The following ANTXRL variants were observed in gnomAD, a reference collection of about 807,000 sequenced individuals.
The protein encoded by ANTXRL is ANTXR like.
ANTXRL carries 63 observed loss-of-function variants against 75.4 expected under a neutral mutation model. That is an observed-to-expected ratio of 0.84 (90% CI 0.68 to 1.03). The LOEUF is 1.03. ANTXRL is among the 50% of genes least tolerant of loss of function. The pLI, the probability that ANTXRL is intolerant of heterozygous loss-of-function variation, is 0.00. For synonymous variants in ANTXRL, 335 were observed against 291.3 expected (o/e 1.15, Z -1.53); for missense variants, 797 against 789.4 (o/e 1.01, Z -0.12).
Position 46,306,876 on chromosome 10 carries a change from A to AG in ANTXRL, c.965+5dup. The AG allele has an allele frequency of 6.5e-7, 1 of 1,527,408 alleles. No homozygotes were observed. The highest frequency in any genetic ancestry group is 1.7e-4 in the Middle Eastern group (1 of 5,954). 94.6% of individuals were successfully genotyped at this position (1,527,408 alleles called of 1,614,324 possible). The stretch of plus-strand genomic sequence containing the variant: ...CAAAACTAGAAAAACCTGGAGAGTA[A>AG]GTGCCCCTGGCAGGAGGCTAGAGGG... On this transcript the variant is annotated splice_donor_region_variant and intron_variant, in intron 11 of 16. Coordinates refer to ENST00000620264, the MANE Select transcript of ANTXRL (RefSeq NM_001278688.3).
At chr10:46,293,279 AGAGT>A (rs1295880225) in intron 2 of ANTXRL, among the ~76,000 whole-genome samples, 5 of 30,152 alleles carry the variant, frequency 1.7e-4, no homozygotes, top group African/African-American at 2.6e-4. Context: ...TGCGTGTGTG[AGAGT>A]GTGTGCGTGT....
At chr10:46,307,238 C>G (rs1383610783) in intron 11 of ANTXRL, among the ~76,000 whole-genome samples, 164 bp from the exon 12 acceptor site, 2 of 152,082 alleles carry the variant, frequency 1.3e-5, no homozygotes, top group Non-Finnish European at 2.9e-5. Context: ...GGCATGAGAC[C>G]CCATGCAGGG....
rs185764450 is a variant in ANTXRL at position 46,296,233 on chromosome 10, C to G, written c.489C>G (p.Ile163Met). 1.1e-5 allele frequency: 17 copies of G among 1,535,688 alleles called. 1 individual carries two copies. The Admixed American group carries it at 2.7e-4, about 25-fold the overall frequency. Residue 163 changes from isoleucine to methionine, a missense_variant, in exon 5 of 17, where the codon ATC (isoleucine) becomes ATG (methionine). Transcript: ENST00000620264. Reference sequence around the variant, plus strand: ...TTTTCTTGCAGGCAATTCAACAGATCGAAAGTTTCAACTCCGGAAGTAAGC... The same window carrying G: ...TTTTCTTGCAGGCAATTCAACAGATGGAAAGTTTCAACTCCGGAAGTAAGC... ...QAGFRKAIQQ[I>M]ESFNSGNKVP...
At chr10:46,301,079 A>G (rs1435008081) in intron 9 of ANTXRL, among the ~76,000 whole-genome samples, 1 of 151,936 alleles carries the variant, frequency 6.6e-6, no homozygotes, top group Admixed American at 6.6e-5. Flanking sequence ...GTAATTTGCA[A>G]TTATCCTGTC....
chr10:46,303,406 A>G (rs1376872602), intron 10 of ANTXRL, among the ~76,000 whole-genome samples: 1 of 152,176 alleles, frequency 6.6e-6, no homozygotes, highest in Non-Finnish European at 1.5e-5. Flanking sequence ...CTGGCTATGT[A>G]TCCTTTAACT....
chr10:46,288,826 C>T (rs1388545190), intron 1 of ANTXRL, among the ~76,000 whole-genome samples: 1 of 152,116 alleles, frequency 6.6e-6, no homozygotes, highest in Non-Finnish European at 1.5e-5. Flanking sequence ...CCCAGACAGA[C>T]TGGATGAGGG....
At position 46,307,473 on chromosome 10, in the gene ANTXRL, C is replaced by T. The variant is rs144531779; in HGVS notation, c.1037C>T (p.Thr346Ile). The stretch of plus-strand genomic sequence containing the variant: ...AAGAGCAATGTCAGCATCACCAGCA[C>T]CACATGTGTGAGTACCAGCATGGGG... ...FFKSNVSITS[T>I]TCGIFRNWLY... Residue 346 changes from threonine (T) to isoleucine (I), a missense_variant, in exon 12 of 17, where the codon ACC (threonine) becomes ATC (isoleucine). Thr to Ile is a moderately conservative substitution (Grantham distance 89). This residue lies in a region of ANTXRL where 479 missense variants were observed against 422.0 expected (regional missense o/e 1.14). Transcript: ENST00000620264. The T allele has an allele frequency of 4.7e-5, 72 of 1,536,118 alleles. No homozygotes were observed. The East Asian group carries it at 8.6e-4, about 18-fold the overall frequency.
chr10:46,316,655 C>G (rs1838741493), intron 16 of ANTXRL, among the ~76,000 whole-genome samples: 1 of 152,130 alleles, frequency 6.6e-6, no homozygotes, highest in Admixed American at 6.6e-5. Context: ...CACCCCATGT[C>G]CTGCTGTCAG....
At chr10:46,301,569 A>G (rs1229959911) in intron 9 of ANTXRL, among the ~76,000 whole-genome samples, 2 of 152,200 alleles carry the variant, frequency 1.3e-5, no homozygotes, top group Non-Finnish European at 2.9e-5. Flanking sequence ...TCTGAGGAGC[A>G]TGGTTCCCTA....
intron 16 of ANTXRL, among the ~76,000 whole-genome samples, chr10:46,317,117 A>G (rs1554964843): frequency 2.6e-5 from 4 of 152,224 alleles, no homozygotes; most frequent in Admixed American, 6.5e-5. Context: ...AAAGGTGTGT[A>G]TAGCTCACAT....
In ANTXRL at chr10:46,298,123, T is replaced by A. The variant is rs1837499177; in HGVS notation, c.796+61T>A. 5 of 1,161,136 alleles carry A rather than the reference T, an allele frequency of 4.3e-6. No homozygotes were observed. The Admixed American group carries it at 8.5e-5, about 20-fold the overall frequency. The allele number at this position is 1,161,136 out of a possible 1,614,324, so 71.9% of individuals were successfully genotyped here. A position where few individuals can be genotyped will look rare whatever the true frequency, so the allele number is the denominator to read the frequency against. On this transcript the variant is annotated intron_variant, in intron 9 of 16. Coordinates refer to ENST00000620264, the MANE Select transcript of ANTXRL (RefSeq NM_001278688.3). The stretch of plus-strand genomic sequence containing the variant: ...TGGTGTGCATGAGTGCATGCGTGTA[T>A]GGAGTGTGTGCATTTGTTTGGTATG...
intron 13 of ANTXRL, 90 bp downstream of exon 13, chr10:46,309,292 G>T: frequency 6.6e-7 from 1 of 1,523,708 alleles, no homozygotes; most frequent in Admixed American, 2.0e-5. Flanking sequence ...CCGTGATCCC[G>T]CCTGTGGGAA....
intron 2 of ANTXRL, 83 bp from the exon 3 acceptor site, chr10:46,293,746 G>A (rs533882200): frequency 8.8e-7 from 1 of 1,141,510 alleles, no homozygotes; most frequent in South Asian, 1.4e-5. Context: ...AAGAGTTGGG[G>A]TGGGAGGTGG....
chr10:46,328,369 G>A lies in ANTXRL; in HGVS notation c.1411-1230G>A, dbSNP rs187991676. 4.5e-4 allele frequency among the ~76,000 whole-genome samples: 68 copies of A among 152,270 alleles called. No homozygotes were observed. In the East Asian group the frequency reaches 0.011, roughly 24 times the overall value. On this transcript the variant is annotated intron_variant, in intron 16 of 16. Coordinates refer to ENST00000620264, the MANE Select transcript of ANTXRL (RefSeq NM_001278688.3). Reference sequence around the variant, plus strand: ...TAAGCCCCAAGAGAACAGCCTTGGGGAAACCTAACAATTCTCCTTGAAAAG... The same window carrying A: ...TAAGCCCCAAGAGAACAGCCTTGGGAAAACCTAACAATTCTCCTTGAAAAG...
chr10:46,293,320 CTGTGTGTGAG>C (rs1468339902), intron 2 of ANTXRL, among the ~76,000 whole-genome samples: 2 of 70,562 alleles, frequency 2.8e-5, no homozygotes, highest in Non-Finnish European at 6.4e-5. Context: ...GCGTGTGTGC[CTGTGTGTGAG>C]TGTGTGCGTG....
chr10:46,296,779 C>T (rs1837404003), intron 5 of ANTXRL, among the ~76,000 whole-genome samples: 1 of 152,158 alleles, frequency 6.6e-6, no homozygotes, highest in Non-Finnish European at 1.5e-5. Context: ...GAGTCCTGAA[C>T]TCCTGGGCCC....
At chr10:46,328,058 A>C (rs1554966835) in intron 16 of ANTXRL, among the ~76,000 whole-genome samples, 1 of 152,166 alleles carries the variant, frequency 6.6e-6, no homozygotes, top group East Asian at 1.9e-4. Flanking sequence ...CTTGCAGAGC[A>C]GGGACAGGCA....
intron 10 of ANTXRL, among the ~76,000 whole-genome samples, chr10:46,304,983 G>A (rs1554961524): frequency 1.3e-5 from 2 of 152,220 alleles, no homozygotes; most frequent in African/African-American, 4.8e-5. Context: ...TGCCACAGCT[G>A]TGAGCACCTG....
intron 12 of ANTXRL, chr10:46,308,424 C>G: frequency 2.7e-6 from 1 of 366,312 alleles, no homozygotes; most frequent in African/African-American, 2.5e-5. Context: ...CCTCCCCTCC[C>G]CTCCTCTCCA....
Sources: allele counts gnomAD v4.1 joint callset (sites outside exome capture counted in the v4.1 genomes callset), GRCh38; gene constraint gnomAD v4.1.1; regional missense constraint gnomAD v4.1.1; transcripts MANE v1.5; gene names NCBI Gene and HGNC (gene_info 2026-07-23, HGNC 2026-07-21).